Variants in ADARB1 observed in about 807,000 individuals in gnomAD.
The protein encoded by ADARB1 is double-stranded RNA-specific editase 1.
A neutral mutation model predicts 52.4 loss-of-function variants in ADARB1; 10 were observed. The observed-to-expected ratio is 0.19, with a 90% CI of 0.12 to 0.32. The LOEUF (loss-of-function observed/expected upper bound fraction) is 0.32, where lower values mean the gene tolerates loss of function less well. Among genes scored for constraint, ADARB1 ranks in the 10% least tolerant of loss-of-function variants. ADARB1 has a pLI of 1.00. For missense variants in ADARB1, 643 were observed against 922.3 expected (o/e 0.70, Z 3.92); for synonymous variants, 349 against 371.1 (o/e 0.94, Z 0.68).
chr21:45,184,906 C>G lies in ADARB1; in HGVS notation c.1397-17C>G. 1 of 1,594,646 alleles carries G rather than the reference C, an allele frequency of 6.3e-7. No individual in the cohort carries two copies. The highest frequency in any genetic ancestry group is 1.1e-5 in the South Asian group (1 of 89,972). On this transcript the variant is annotated splice_polypyrimidine_tract_variant and intron_variant, in intron 7 of 10. Transcript: ENST00000348831. ...TGGTTTACTACCTGTGGGGTTTTAACTCTTTTTCTCTCTTAGAACCAGCAG... is the reference window on the plus strand; with the variant it reads ...TGGTTTACTACCTGTGGGGTTTTAAGTCTTTTTCTCTCTTAGAACCAGCAG...
chr21:45,210,847 G>A (rs2092754359), intron 9 of ADARB1, among the ~76,000 whole-genome samples: 2 of 152,222 alleles, frequency 1.3e-5, no homozygotes, highest in African/African-American at 4.8e-5. Context: ...CAGGATCACT[G>A]TGAGCCTCTC....
At chr21:45,115,413 A>G (rs574789641) in intron 1 of ADARB1, among the ~76,000 whole-genome samples, 8 of 152,366 alleles carry the variant, frequency 5.3e-5, no homozygotes, top group African/African-American at 1.9e-4. Flanking sequence ...CTCACGGGGC[A>G]TTAGCCGGTC....
chr21:45,126,401 T>A (rs1406575592), intron 1 of ADARB1, among the ~76,000 whole-genome samples: 1 of 152,160 alleles, frequency 6.6e-6, no homozygotes, highest in Non-Finnish European at 1.5e-5. Context: ...GCTGTCTCTG[T>A]CACCTGCTCC....
chr21:45,220,915 T>C lies in ADARB1; in HGVS notation c.1827T>C (p.Ile609=). The part of the protein sequence containing the change: ...SVNWTVGDSA[I]EVINATTGKD... ...ACTGGACGGTAGGCGACTCCGCTAT[T>C]GAGGTCATCAACGCCACGACTGGGA... The change falls in exon 10 of 11, where the codon ATT becomes ATC. Residue 609 remains isoleucine (I), a synonymous_variant. Transcript: ENST00000348831. The surrounding 1 kb of genome is among the most constrained non-coding windows in gnomAD (Gnocchi z 6.3). The C allele has an allele frequency of 1.2e-6, 2 of 1,613,482 alleles. No individual in the cohort carries two copies. Among genetic ancestry groups the C allele is most frequent in the Non-Finnish European group, 8.5e-7 (1 of 1,180,022 alleles).
chr21:45,136,592 G>T lies in ADARB1; in HGVS notation c.-48+8019G>T, dbSNP rs148128666. On this transcript the variant is annotated intron_variant, in intron 2 of 10. Coordinates refer to ENST00000348831, the MANE Select transcript of ADARB1 (RefSeq NM_001112.4). ...CCCCTGTGGGGAGGCACTGACCGAG[G>T]CCTGGGGACAAATGTGGGGACAGAC... is the stretch of plus-strand genomic sequence containing the variant. Among the ~76,000 whole-genome samples, 41 of 152,354 alleles carry T rather than the reference G, an allele frequency of 2.7e-4. No individual in the cohort carries two copies. In the East Asian group the frequency reaches 7.7e-3, roughly 29 times the overall value.
chr21:45,107,725 G>A (rs2087320811), intron 1 of ADARB1, among the ~76,000 whole-genome samples: 1 of 152,152 alleles, frequency 6.6e-6, no homozygotes, highest in African/African-American at 2.4e-5. Flanking sequence ...TGTGAAAAAG[G>A]CAACTGTTCC....
At chr21:45,101,526 T>A (rs1379245523) in intron 1 of ADARB1, among the ~76,000 whole-genome samples, 1 of 152,258 alleles carries the variant, frequency 6.6e-6, no homozygotes, top group Non-Finnish European at 1.5e-5. Context: ...AACGAAAACC[T>A]TTTTTAATGC....
intron 1 of ADARB1, among the ~76,000 whole-genome samples, chr21:45,080,569 C>G (rs1271765201): frequency 6.6e-6 from 1 of 152,248 alleles, no homozygotes; most frequent in Non-Finnish European, 1.5e-5. Context: ...CGGAATCTCA[C>G]CCTAGGACTC....
At chr21:45,199,301 A>G (rs986912996) in intron 8 of ADARB1, among the ~76,000 whole-genome samples, 1 of 152,194 alleles carries the variant, frequency 6.6e-6, no homozygotes, top group Non-Finnish European at 1.5e-5. Flanking sequence ...AATTCCAGGC[A>G]CAGGGACACT....
Position 45,180,447 on chromosome 21 carries a change from A to C in ADARB1, c.1078+3A>C. The C allele has an allele frequency of 6.2e-7, 1 of 1,610,216 alleles. No individual in the cohort carries two copies. Among genetic ancestry groups the C allele is most frequent in the Admixed American group, 1.7e-5 (1 of 59,954 alleles). On this transcript the variant is annotated splice_donor_region_variant and intron_variant, in intron 5 of 10. Transcript: ENST00000348831. ...GGCTGGAGTCGTCATGACAACAGGT[A>C]ACCATCTTGGTGTTGTATGTAACCC...
intron 2 of ADARB1, 46 bp from the exon 3 acceptor site, chr21:45,171,564 C>T: frequency 8.5e-7 from 1 of 1,182,518 alleles, no homozygotes; most frequent in Non-Finnish European, 1.2e-6. Flanking sequence ...CTTCATATTA[C>T]TCCTGTCATA....
intron 8 of ADARB1, among the ~76,000 whole-genome samples, chr21:45,201,034 C>G (rs1159635653): frequency 1.3e-5 from 2 of 152,222 alleles, no homozygotes; most frequent in African/African-American, 4.8e-5. Flanking sequence ...AGTGGGGACA[C>G]CTGTAGGTTC....
chr21:45,181,876 T>C (rs2091943448), intron 5 of ADARB1, among the ~76,000 whole-genome samples: 1 of 152,236 alleles, frequency 6.6e-6, no homozygotes, highest in Non-Finnish European at 1.5e-5. Flanking sequence ...ATCGTGGGAA[T>C]GCAGTGAGGA....
chr21:45,182,787 CT>C (rs1411835919), intron 6 of ADARB1, 34 bp downstream of exon 6: 3 of 1,516,296 alleles, frequency 2.0e-6, no homozygotes, highest in Non-Finnish European at 2.7e-6. Flanking sequence ...ACAGGAAGCT[CT>C]TTTTAAAAAA....
chr21:45,222,098 G>A lies in ADARB1; in HGVS notation c.2007G>A (p.Gln669=). ...HESKLAAKEY[Q]AAKARLFTAF... is the part of the protein sequence containing the mutation. ...CCAAGCTGGCGGCAAAGGAGTACCA[G>A]GCCGCCAAGGCGCGTCTGTTCACAG... Residue 669 remains glutamine, a synonymous_variant, in exon 11 of 11, where the codon CAG becomes CAA. Transcript: ENST00000348831. 1.2e-6 allele frequency: 2 copies of A among 1,613,430 alleles called. No individual in the cohort carries two copies. Among genetic ancestry groups the A allele is most frequent in the South Asian group, 1.1e-5 (1 of 91,074 alleles).
At position 45,092,198 on chromosome 21, in the gene ADARB1, C is replaced by A. The variant is rs201817204; in HGVS notation, c.-220+17405C>A. ...TGGGCCGTCGGTTCAGAAGGTGCAG[C>A]CTTGCCCGGAGCTGAGGTCCAGTGC... On this transcript the variant is annotated intron_variant, in intron 1 of 10. Coordinates refer to ENST00000348831, the MANE Select transcript of ADARB1 (RefSeq NM_001112.4). 1.2e-4 allele frequency among the ~76,000 whole-genome samples: 18 copies of A among 152,272 alleles called. No individual in the cohort carries two copies. In the East Asian group the frequency reaches 2.9e-3, roughly 25 times the overall value.
Position 45,081,639 on chromosome 21 carries a change from T to A in ADARB1, c.-220+6846T>A, listed in dbSNP as rs1264474910. On this transcript the variant is annotated intron_variant, in intron 1 of 10. Coordinates refer to ENST00000348831, the MANE Select transcript of ADARB1 (RefSeq NM_001112.4). ...AGTCAAGGAGCACCTGTGCTGTCTTTATTGGCATGACCGAGGAGACAGGGC... is the reference window on the plus strand; with the variant it reads ...AGTCAAGGAGCACCTGTGCTGTCTTAATTGGCATGACCGAGGAGACAGGGC... 3.3e-5 allele frequency among the ~76,000 whole-genome samples: 5 copies of A among 152,194 alleles called. No homozygotes were observed. The East Asian group carries it at 9.6e-4, about 29-fold the overall frequency.
chr21:45,194,642 G>A (rs868544086), intron 8 of ADARB1, among the ~76,000 whole-genome samples: 12 of 152,182 alleles, frequency 7.9e-5, no homozygotes, highest in African/African-American at 2.9e-4. Flanking sequence ...TGTCTTTGTA[G>A]TTTTGCCTTT....
intron 1 of ADARB1, among the ~76,000 whole-genome samples, chr21:45,091,946 A>G (rs2086576303): frequency 6.6e-6 from 1 of 152,248 alleles, no homozygotes; most frequent in African/African-American, 2.4e-5. Flanking sequence ...TGTCTTTAAT[A>G]TGAAAATCAG....
Sources: allele counts gnomAD v4.1 joint callset (sites outside exome capture counted in the v4.1 genomes callset), GRCh38; gene constraint gnomAD v4.1.1; non-coding constraint Gnocchi (gnomAD v3.1); transcripts MANE v1.5; gene names NCBI Gene and HGNC (gene_info 2026-07-23, HGNC 2026-07-21).